Variants in RASA1 observed in about 807,000 individuals in gnomAD.
RASA1 encodes ras GTPase-activating protein 1.
A neutral mutation model predicts 132.2 loss-of-function variants in RASA1; 25 were observed. The ratio of observed to expected loss-of-function variants is 0.19; its 90% CI spans 0.14 to 0.26. RASA1 has a LOEUF of 0.26. RASA1 is among the 10% of genes least tolerant of loss of function. RASA1 has a pLI of 1.00. For missense variants in RASA1, 964 were observed against 1,299.2 expected (o/e 0.74, Z 3.97); for synonymous variants, 477 against 449.9 (o/e 1.06, Z -0.76).
intron 1 of RASA1, among the ~76,000 whole-genome samples, chr5:87,312,439 T>G (rs1477871188): frequency 6.6e-6 from 1 of 152,230 alleles, no homozygotes; most frequent in Non-Finnish European, 1.5e-5. Context: ...TTATGTGTAA[T>G]TTTTAAATTA....
intron 18 of RASA1, among the ~76,000 whole-genome samples, chr5:87,379,334 G>A (rs1418256456): frequency 1.3e-5 from 2 of 152,116 alleles, no homozygotes; most frequent in Non-Finnish European, 2.9e-5. Context: ...GACTTCCATA[G>A]ATAAATGTAC....
rs538149175 is a variant in RASA1 at position 87,331,778 on chromosome 5, G to A, written c.692+278G>A. Among the ~76,000 whole-genome samples, 14 of 152,140 alleles carry A rather than the reference G, an allele frequency of 9.2e-5. No individual in the cohort carries two copies. The South Asian group carries it at 2.9e-3, about 32-fold the overall frequency. The stretch of plus-strand genomic sequence containing the variant: ...ATTACAAATAAACTTTGAGTGGTAA[G>A]GCTAAAATAAAGGAATTGTATACTT... On this transcript the variant is annotated intron_variant, in intron 2 of 24. Coordinates refer to ENST00000274376, the MANE Select transcript of RASA1 (RefSeq NM_002890.3).
Position 87,287,293 on chromosome 5 carries a change from TAC to T in RASA1, c.539+18306_539+18307del, listed in dbSNP as rs201259232. Among the ~76,000 whole-genome samples the T allele has an allele frequency of 8.8e-3, 1,286 of 145,772 alleles. 24 individuals carry two copies. Among genetic ancestry groups the T allele is most frequent in the African/African-American group, 0.03 (1,195 of 39,568 alleles). ...ACCGTATATATACACACCATATATA[TAC>T]ACCATATATACACACCATATATATA... On this transcript the variant is annotated intron_variant, in intron 1 of 24. Coordinates refer to ENST00000274376, the MANE Select transcript of RASA1 (RefSeq NM_002890.3).
chr5:87,329,562 A>G (rs1003551988), intron 1 of RASA1, among the ~76,000 whole-genome samples: 8 of 152,228 alleles, frequency 5.3e-5, no homozygotes, highest in Non-Finnish European at 8.8e-5. Context: ...ATCTCTGTGT[A>G]TCATTTCAAT....
intron 4 of RASA1, among the ~76,000 whole-genome samples, chr5:87,337,682 G>A (rs1413905076): frequency 6.6e-6 from 1 of 151,952 alleles, no homozygotes; most frequent in Non-Finnish European, 1.5e-5. Context: ...ATCAGTTTCT[G>A]TTAACAGAAG....
intron 1 of RASA1, among the ~76,000 whole-genome samples, chr5:87,297,204 T>C (rs1755159637): frequency 6.6e-6 from 1 of 152,232 alleles, no homozygotes; most frequent in Non-Finnish European, 1.5e-5. Context: ...ACCTAGCATA[T>C]TAATCATAGT....
chr5:87,287,610 T>C (rs187750161), intron 1 of RASA1, among the ~76,000 whole-genome samples: 1 of 146,124 alleles, frequency 6.8e-6, no homozygotes. Flanking sequence ...ACACGCCATA[T>C]ATATACCATA....
chr5:87,386,576 T>C (rs1017343357), intron 22 of RASA1, among the ~76,000 whole-genome samples: 4 of 152,048 alleles, frequency 2.6e-5, no homozygotes, highest in African/African-American at 4.8e-5. Flanking sequence ...TACTCCTCAG[T>C]ATAGCCATTT....
At chr5:87,385,558 A>C (rs1762006814) in intron 22 of RASA1, among the ~76,000 whole-genome samples, 169 bp downstream of exon 22, 1 of 152,118 alleles carries the variant, frequency 6.6e-6, no homozygotes, top group Non-Finnish European at 1.5e-5. Flanking sequence ...TTTACATTTT[A>C]ATAGTGGAAC....
At chr5:87,305,982 G>A (rs557591010) in intron 1 of RASA1, among the ~76,000 whole-genome samples, 5 of 152,216 alleles carry the variant, frequency 3.3e-5, no homozygotes, top group Non-Finnish European at 5.9e-5. Flanking sequence ...TGCTGGCGAG[G>A]TTGTGGAGAA....
At chr5:87,276,836 A>T (rs1754080512) in intron 1 of RASA1, among the ~76,000 whole-genome samples, 3 of 152,310 alleles carry the variant, frequency 2.0e-5, no homozygotes, top group Admixed American at 2.0e-4. Flanking sequence ...TTAGTTACAG[A>T]GGGAAGCTTC....
chr5:87,303,671 G>A (rs189414533), intron 1 of RASA1, among the ~76,000 whole-genome samples: 197 of 151,670 alleles, frequency 1.3e-3, no homozygotes, highest in Non-Finnish European at 2.2e-3. Context: ...AATGAGGCTC[G>A]CTTTTTGATT....
intron 1 of RASA1, among the ~76,000 whole-genome samples, chr5:87,306,147 A>G (rs540308262): frequency 1.1e-4 from 16 of 152,096 alleles, no homozygotes; most frequent in South Asian, 6.2e-4. Flanking sequence ...AAATCACTCT[A>G]TTATAAAGAC....
chr5:87,342,543 GTTTTCTTT>G (rs1399042763), intron 6 of RASA1, among the ~76,000 whole-genome samples: 1 of 152,112 alleles, frequency 6.6e-6, no homozygotes, highest in East Asian at 1.9e-4. Flanking sequence ...TATATTCCCA[GTTTTCTTT>G]AGACACAATA....
At chr5:87,338,400 C>T (rs1297863385) in intron 5 of RASA1, among the ~76,000 whole-genome samples, 4 of 149,256 alleles carry the variant, frequency 2.7e-5, no homozygotes, top group East Asian at 2.0e-4. Context: ...GGCGTGATCT[C>T]GGCTCACTGC....
rs878854568 is a variant in RASA1, at chr5:87,369,853, G to A, written c.1651G>A (p.Glu551Lys). ...GATAGTAGTTCAGCACTTTAGTGAA[G>A]AACATTACATCTTTTACTTTGCAGG... Reference protein sequence around the residue: ...FQIVVQHFSEEHYIFYFAGET... With the variant: ...FQIVVQHFSEKHYIFYFAGET... Residue 551 changes from glutamate (E) to lysine (K), a missense_variant, in exon 12 of 25, where the codon GAA (glutamate) becomes AAA (lysine). Coordinates refer to ENST00000274376, the MANE Select transcript of RASA1 (RefSeq NM_002890.3). 2 of 1,612,160 alleles carry A rather than the reference G, an allele frequency of 1.2e-6. No homozygotes were observed. Among genetic ancestry groups the A allele is most frequent in the Non-Finnish European group, 1.7e-6 (2 of 1,178,872 alleles).
intron 1 of RASA1, among the ~76,000 whole-genome samples, chr5:87,324,299 C>T (rs968505939): frequency 2.0e-5 from 3 of 152,162 alleles, no homozygotes; most frequent in African/African-American, 7.2e-5. Context: ...CCTTTTCCTC[C>T]TCTCTTTCAA....
rs1455999394 is a variant in RASA1, at chr5:87,331,407, A to T, written c.599A>T (p.Lys200Met). 1.2e-6 allele frequency: 2 copies of T among 1,613,452 alleles called. No homozygotes were observed. The highest frequency in any genetic ancestry group is 1.3e-5 in the African/African-American group (1 of 74,916). Residue 200 changes from lysine (K) to methionine (M), a missense_variant, in exon 2 of 25, where the codon AAG becomes ATG. Around this residue, in one of 6 missense-constraint regions of RASA1, gnomAD observed 326 missense variants for 275.8 expected, o/e 1.18. Coordinates refer to ENST00000274376, the MANE Select transcript of RASA1 (RefSeq NM_002890.3). The part of the protein sequence containing the change: ...IAEERLRQAG[K>M]SGSYLIRESD... ...GAAGAACGCCTCAGGCAGGCAGGGA[A>T]GTCTGGCAGTTATCTTATAAGAGAG...
chr5:87,362,890 TTTTCTTTCTTTC>T (rs547648090), intron 10 of RASA1, among the ~76,000 whole-genome samples: 1 of 151,542 alleles, frequency 6.6e-6, no homozygotes, highest in African/African-American at 2.4e-5. Context: ...TGGTTTCTTT[TTTTCTTTCTTTC>T]TTTCTTTTTT....
Sources: gnomAD v4.1 joint callset for allele counts (sites outside exome capture counted in the v4.1 genomes callset) on GRCh38, gnomAD v4.1.1 for gene constraint, gnomAD v4.1.1 regional missense constraint, MANE v1.5 for transcripts, NCBI Gene and HGNC (gene_info 2026-07-23, HGNC 2026-07-21) for gene names.